Variants in DNM3 observed in about 807,000 individuals in gnomAD.
DNM3 encodes the protein dynamin 3, also known as dynamin-3.
A neutral mutation model predicts 101.6 loss-of-function variants in DNM3; 47 were observed. That is an observed-to-expected ratio of 0.46 (90% CI 0.37 to 0.59). DNM3 has a LOEUF of 0.59. DNM3 is among the 20% of genes least tolerant of loss of function. The pLI is 0.00. For missense variants in DNM3, 849 were observed against 1,085.7 expected (o/e 0.78, Z 3.06); for synonymous variants, 385 against 387.9 (o/e 0.99, Z 0.09).
rs545018726 is a variant in DNM3, at chr1:172,164,971, A to G, written c.1659+33683A>G. ...CCTGTTTATACTAATGGCACATGTA[A>G]CCCTTTTTGTCCTGAGGCTGAGTAC... On this transcript the variant is annotated intron_variant, in intron 14 of 20. Transcript: ENST00000627582. Among the ~76,000 whole-genome samples the G allele has an allele frequency of 6.6e-5, 10 of 152,180 alleles. No homozygotes were observed. In the East Asian group the frequency reaches 1.9e-3, roughly 30 times the overall value.
intron 14 of DNM3, among the ~76,000 whole-genome samples, chr1:172,189,888 GACTA>G (rs889494939): frequency 1.1e-4 from 17 of 151,884 alleles, no homozygotes; most frequent in African/African-American, 3.9e-4. Context: ...AACTCACATG[GACTA>G]ACTGAGCAAG....
At chr1:171,903,605 G>A (rs1278934378) in intron 1 of DNM3, among the ~76,000 whole-genome samples, 1 of 152,180 alleles carries the variant, frequency 6.6e-6, no homozygotes, top group Non-Finnish European at 1.5e-5. Context: ...TTAAGGTCCT[G>A]TAGCTAGTGT....
intron 2 of DNM3, among the ~76,000 whole-genome samples, chr1:171,944,027 T>C (rs1197861246): frequency 6.6e-6 from 1 of 152,174 alleles, no homozygotes; most frequent in East Asian, 1.9e-4. Context: ...TCTATTTCTG[T>C]AAAGGGCCAG....
chr1:171,953,216 ATGCT>A (rs1308676352), intron 2 of DNM3, among the ~76,000 whole-genome samples: 1 of 152,176 alleles, frequency 6.6e-6, no homozygotes, highest in Non-Finnish European at 1.5e-5. Context: ...GCTGAATGTG[ATGCT>A]TGCTATCGCC....
At chr1:172,040,739 A>G (rs1477213194) in intron 7 of DNM3, among the ~76,000 whole-genome samples, 4 of 152,188 alleles carry the variant, frequency 2.6e-5, no homozygotes, top group African/African-American at 9.6e-5. Flanking sequence ...GTCATGGATC[A>G]TGAAAAGTTT....
At chr1:172,103,401 T>C (rs918462281) in intron 13 of DNM3, among the ~76,000 whole-genome samples, 1 of 152,214 alleles carries the variant, frequency 6.6e-6, no homozygotes, top group Admixed American at 6.5e-5. Flanking sequence ...CCTCACTTTA[T>C]TCATTTAATG....
Position 172,407,774 on chromosome 1 carries a change from G to A in DNM3, c.2525G>A (p.Arg842Gln), listed in dbSNP as rs777169998. Residue 842 changes from arginine (R) to glutamine (Q), a missense_variant and splice_region_variant, in exon 21 of 21, where the codon CGG (arginine) becomes CAG (glutamine). Arg to Gln is a conservative substitution (Grantham distance 43). This residue lies in a region of DNM3 where 256 missense variants were observed against 311.7 expected (regional missense o/e 0.82). Coordinates refer to ENST00000627582, the MANE Select transcript of DNM3 (RefSeq NM_015569.5). ...PTRAPPSVPSRRPPPSPTRPT... is the reference protein window; with the variant it reads ...PTRAPPSVPSQRPPPSPTRPT... ...CCTTTCTCTTTTTCTCTTTCTAGCCGGAGACCACCCCCATCACCAACTCGT... is the reference window on the plus strand; with the variant it reads ...CCTTTCTCTTTTTCTCTTTCTAGCCAGAGACCACCCCCATCACCAACTCGT... 6.2e-6 allele frequency: 10 copies of A among 1,612,712 alleles called. No homozygotes were observed. Among genetic ancestry groups the A allele is most frequent in the South Asian group, 1.1e-5 (1 of 91,030 alleles).
intron 14 of DNM3, among the ~76,000 whole-genome samples, chr1:172,189,882 C>T (rs941636424): frequency 2.6e-5 from 4 of 151,936 alleles, no homozygotes; most frequent in Non-Finnish European, 5.9e-5. Context: ...AACCAGAACT[C>T]ACATGGACTA....
At chr1:172,315,178 G>T (rs1395929857) in intron 16 of DNM3, among the ~76,000 whole-genome samples, 1 of 152,168 alleles carries the variant, frequency 6.6e-6, no homozygotes, top group East Asian at 1.9e-4. Context: ...GCAGCTGAGG[G>T]TCCTGTCTGT....
chr1:172,068,221 G>A (rs1434097041), intron 10 of DNM3, among the ~76,000 whole-genome samples: 1 of 152,042 alleles, frequency 6.6e-6, no homozygotes, highest in African/African-American at 2.4e-5. Flanking sequence ...CCAGCTACTC[G>A]GGAGGCTGAG....
chr1:171,841,840 A>T, intron 1 of DNM3, 23 bp downstream of exon 1: 1 of 1,597,950 alleles, frequency 6.3e-7, no homozygotes, highest in Non-Finnish European at 8.5e-7. Flanking sequence ...GGCGCGGAGT[A>T]AGGATGCGGC....
At chr1:172,321,446 A>G (rs1402246186) in intron 16 of DNM3, among the ~76,000 whole-genome samples, 2 of 152,222 alleles carry the variant, frequency 1.3e-5, no homozygotes, top group Non-Finnish European at 2.9e-5. Context: ...AGGGATCTAA[A>G]CATAAATTGC....
chr1:172,376,969 G>A (rs1319925109), intron 17 of DNM3, among the ~76,000 whole-genome samples: 1 of 151,990 alleles, frequency 6.6e-6, no homozygotes, highest in Non-Finnish European at 1.5e-5. Flanking sequence ...GTAAAATGGG[G>A]AAATTTAGTG....
At chr1:171,894,551 C>T (rs2037598325) in intron 1 of DNM3, among the ~76,000 whole-genome samples, 1 of 151,962 alleles carries the variant, frequency 6.6e-6, no homozygotes, top group African/African-American at 2.4e-5. Flanking sequence ...ATTACAGGTG[C>T]CCACCACCAT....
chr1:172,030,087 C>T (rs1478731403), intron 4 of DNM3, among the ~76,000 whole-genome samples: 2 of 152,044 alleles, frequency 1.3e-5, no homozygotes, highest in Non-Finnish European at 2.9e-5. Context: ...CAAAAAGAGC[C>T]CATGTAGCCA....
At position 171,841,829 on chromosome 1, in the gene DNM3, G is replaced by A; in HGVS notation, c.161+12G>A. 1 of 1,602,922 alleles carries A rather than the reference G, an allele frequency of 6.2e-7. No individual in the cohort carries two copies. The highest frequency in any genetic ancestry group is 1.1e-5 in the South Asian group (1 of 89,774). On this transcript the variant is annotated intron_variant, in intron 1 of 20. Transcript: ENST00000627582. ...AACTTCGTGGGCAGGTAAGCGCGCA[G>A]GGCGCGGAGTAAGGATGCGGCAGTG...
chr1:172,005,643 G>A (rs187214657), intron 4 of DNM3, among the ~76,000 whole-genome samples: 352 of 152,140 alleles, frequency 2.3e-3, no homozygotes, highest in Non-Finnish European at 3.4e-3. Flanking sequence ...GTGTGTGTGC[G>A]CACTGGTTGT....
chr1:171,919,443 G>A (rs886753728), intron 1 of DNM3, among the ~76,000 whole-genome samples: 2 of 151,904 alleles, frequency 1.3e-5, no homozygotes, highest in Admixed American at 1.3e-4. Context: ...TCCTGAGAAT[G>A]ATGGTTTCCA....
intron 1 of DNM3, among the ~76,000 whole-genome samples, chr1:171,848,280 T>C (rs1558159425): frequency 6.6e-6 from 1 of 152,166 alleles, no homozygotes; most frequent in African/African-American, 2.4e-5. Flanking sequence ...TTCTTGATAG[T>C]TGACCAGCAG....
Sources: gnomAD v4.1 joint callset for allele counts (sites outside exome capture counted in the v4.1 genomes callset) on GRCh38, gnomAD v4.1.1 for gene constraint, gnomAD v4.1.1 regional missense constraint, MANE v1.5 for transcripts, NCBI Gene and HGNC (gene_info 2026-07-23, HGNC 2026-07-21) for gene names.